Variants in GASK1B observed in about 807,000 individuals in gnomAD.
The protein encoded by GASK1B is Golgi-associated kinase 1B.
In GASK1B, 34 loss-of-function variants were observed where a neutral mutation model predicts 42.8. The observed-to-expected ratio is 0.79, with a 90% CI of 0.60 to 1.06. The LOEUF (loss-of-function observed/expected upper bound fraction) is 1.06, where lower values mean the gene tolerates loss of function less well. Ranked by LOEUF, GASK1B falls within the 50% of genes least tolerant of loss-of-function variation. GASK1B has a pLI of 0.00. For synonymous variants in GASK1B, 262 were observed against 259.1 expected, an observed-to-expected ratio of 1.01 and a Z score of -0.11; for missense variants, 686 against 661.0, an observed-to-expected ratio of 1.04 and a Z score of -0.42.
At chr4:158,138,088 T>C (rs1031967060) in intron 3 of GASK1B, among the ~76,000 whole-genome samples, 5 of 152,178 alleles carry the variant, frequency 3.3e-5, no homozygotes, top group Non-Finnish European at 7.3e-5. Context: ...TTTCTTTACG[T>C]ATAAGTAAAA....
intron 1 of GASK1B, chr4:158,172,110 C>A (rs564067431): frequency 6.6e-6 from 1 of 152,060 alleles, no homozygotes; most frequent in Admixed American, 6.6e-5. Context: ...TAATACAAAG[C>A]CATAAATGTC....
intron 3 of GASK1B, among the ~76,000 whole-genome samples, chr4:158,144,237 A>C (rs1731247604): frequency 6.6e-6 from 1 of 152,218 alleles, no homozygotes; most frequent in African/African-American, 2.4e-5. Flanking sequence ...TAACGCTGCC[A>C]GATAATTTGG....
At chr4:158,172,220 A>G (rs1732584695) in intron 1 of GASK1B, 1 of 151,910 alleles carries the variant, frequency 6.6e-6, no homozygotes, top group South Asian at 2.1e-4. Context: ...CACAACTCTG[A>G]CTGCTTTTTA....
intron 2 of GASK1B, chr4:158,167,110 T>C (rs186241795): frequency 1.4e-4 from 22 of 152,336 alleles, no homozygotes; most frequent in Non-Finnish European, 4.4e-5. Flanking sequence ...GTGCCAGATA[T>C]AAATTTATTT....
chr4:158,141,597 CTTTTTTT>C (rs199530247), intron 3 of GASK1B, among the ~76,000 whole-genome samples: 32 of 113,654 alleles, frequency 2.8e-4, no homozygotes, highest in African/African-American at 1.0e-3. Context: ...TTGTATTTAC[CTTTTTTT>C]TTTTTTTTTT....
intron 2 of GASK1B, among the ~76,000 whole-genome samples, chr4:158,159,875 A>G (rs1273308916): frequency 6.6e-6 from 1 of 152,108 alleles, no homozygotes; most frequent in African/African-American, 2.4e-5. Context: ...TTCTTTGTCT[A>G]GATTTATTAA....
chr4:158,131,624 A>T (rs1158026095), intron 3 of GASK1B, among the ~76,000 whole-genome samples: 1 of 152,214 alleles, frequency 6.6e-6, no homozygotes, highest in Non-Finnish European at 1.5e-5. Flanking sequence ...TTATTATGGG[A>T]GTTAAGGATA....
intron 3 of GASK1B, among the ~76,000 whole-genome samples, chr4:158,140,202 C>A (rs1181658890): frequency 6.6e-6 from 1 of 152,114 alleles, no homozygotes; most frequent in Admixed American, 6.5e-5. Context: ...AATAGTTTTG[C>A]CCTTATGGAC....
intron 2 of GASK1B, among the ~76,000 whole-genome samples, chr4:158,161,496 T>C (rs1190037806): frequency 6.6e-6 from 1 of 152,206 alleles, no homozygotes; most frequent in Non-Finnish European, 1.5e-5. Context: ...TGTGACTTCA[T>C]TCATCACCAA....
chr4:158,167,877 G>A (rs569714653), intron 2 of GASK1B, among the ~76,000 whole-genome samples: 3 of 152,246 alleles, frequency 2.0e-5, no homozygotes, highest in East Asian at 3.9e-4. Context: ...AAAGCTACAC[G>A]CTTCCGTGGA....
At chr4:158,138,357 T>TA (rs965081693) in intron 3 of GASK1B, among the ~76,000 whole-genome samples, 2 of 151,622 alleles carry the variant, frequency 1.3e-5, no homozygotes, top group African/African-American at 4.8e-5. Context: ...ACACTCAGAC[T>TA]AAAAAAAAAT....
At chr4:158,130,563 G>A (rs972029084) in intron 4 of GASK1B, among the ~76,000 whole-genome samples, 18 of 152,282 alleles carry the variant, frequency 1.2e-4, no homozygotes, top group Non-Finnish European at 2.2e-4. Flanking sequence ...AATGTAGCAT[G>A]CACTTTGTAG....
chr4:158,158,638 C>G (rs1004254307), intron 2 of GASK1B, among the ~76,000 whole-genome samples: 2 of 151,904 alleles, frequency 1.3e-5, no homozygotes, highest in African/African-American at 4.8e-5. Context: ...TTATAAAAGG[C>G]AGAGAGTAAA....
intron 3 of GASK1B, among the ~76,000 whole-genome samples, chr4:158,150,094 T>G (rs1482900855): frequency 6.6e-6 from 1 of 151,578 alleles, no homozygotes; most frequent in Non-Finnish European, 1.5e-5. Flanking sequence ...CCCGGCTAAT[T>G]TTTTGTATTT....
intron 2 of GASK1B, among the ~76,000 whole-genome samples, chr4:158,159,854 T>C (rs1051652062): frequency 5.3e-5 from 8 of 152,124 alleles, no homozygotes; most frequent in Non-Finnish European, 1.2e-4. Flanking sequence ...GAATGAGTGC[T>C]TTACACAATC....
intron 2 of GASK1B, 65 bp downstream of exon 2, chr4:158,170,401 G>T (rs1732428840): frequency 6.2e-7 from 1 of 1,613,998 alleles, no homozygotes; most frequent in East Asian, 2.2e-5. Flanking sequence ...AAGAGAGTGA[G>T]GGAAAAAAGA....
At chr4:158,166,458 A>G (rs1390813072) in intron 2 of GASK1B, among the ~76,000 whole-genome samples, 1 of 152,214 alleles carries the variant, frequency 6.6e-6, no homozygotes, top group Non-Finnish European at 1.5e-5. Flanking sequence ...CAGGCAGATC[A>G]TTCAAATCAC....
rs781338886 is a variant in GASK1B at position 158,171,305 on chromosome 4, C to T, written c.71G>A (p.Arg24His). The change falls in exon 2 of 5, where the codon CGT (arginine) becomes CAT (histidine). Residue 24 changes from arginine (R) to histidine (H), a missense_variant. By Grantham distance (29) the Arg-to-His change is conservative. Coordinates refer to ENST00000585682, the MANE Select transcript of GASK1B (RefSeq NM_001128424.2). ...FICSLCVPRV[R>H]KLWSSRRPRT... Reference sequence around the variant, plus strand: ...TGGACGCCGGCTGCTCCAGAGCTTACGCACCCGCGGGACGCACAGGGAGCA... The same window carrying T: ...TGGACGCCGGCTGCTCCAGAGCTTATGCACCCGCGGGACGCACAGGGAGCA... The T allele has an allele frequency of 6.2e-7, 1 of 1,612,864 alleles. No homozygotes were observed. Among genetic ancestry groups the T allele is most frequent in the Non-Finnish European group, 8.5e-7 (1 of 1,179,542 alleles).
intron 3 of GASK1B, among the ~76,000 whole-genome samples, chr4:158,139,363 T>C (rs964210012): frequency 6.6e-6 from 1 of 152,216 alleles, no homozygotes; most frequent in Admixed American, 6.5e-5. Flanking sequence ...AGCTCACTCA[T>C]TGAAACAGAA....
Sources: gnomAD v4.1 joint callset for allele counts (sites outside exome capture counted in the v4.1 genomes callset) on GRCh38, gnomAD v4.1.1 for gene constraint, MANE v1.5 for transcripts, NCBI Gene and HGNC (gene_info 2026-07-23, HGNC 2026-07-21) for gene names.